PTPN14: variants seen among roughly 807,000 people sequenced by gnomAD.
PTPN14 encodes tyrosine-protein phosphatase non-receptor type 14.
PTPN14 carries 53 observed loss-of-function variants against 126.8 expected under a neutral mutation model. The ratio of observed to expected loss-of-function variants is 0.42; its 90% CI spans 0.34 to 0.53. The LOEUF (loss-of-function observed/expected upper bound fraction) is 0.53, where lower values mean the gene tolerates loss of function less well. Among genes scored for constraint, PTPN14 ranks in the 20% least tolerant of loss-of-function variants. The pLI, the probability that PTPN14 is intolerant of heterozygous loss-of-function variation, is 0.08. For missense variants in PTPN14, 1,257 were observed against 1,552.9 expected, an observed-to-expected ratio of 0.81 and a Z score of 3.20; for synonymous variants, 630 against 599.3, an observed-to-expected ratio of 1.05 and a Z score of -0.75.
At chr1:214,423,846 T>C (rs1659598481) in intron 3 of PTPN14, among the ~76,000 whole-genome samples, 1 of 151,946 alleles carries the variant, frequency 6.6e-6, no homozygotes, top group Admixed American at 6.6e-5. Flanking sequence ...CCAGGCATGG[T>C]GGCTCACGCC....
chr1:214,518,730 C>T (rs780614978), intron 1 of PTPN14, among the ~76,000 whole-genome samples: 29 of 152,096 alleles, frequency 1.9e-4, no homozygotes, highest in Admixed American at 1.4e-3. Flanking sequence ...CTTCTAAATA[C>T]AACAGCTATT....
chr1:214,464,998 G>A (rs1252750823), intron 1 of PTPN14, 41 bp from the exon 2 acceptor site: 13 of 606,190 alleles, frequency 2.1e-5, no homozygotes, highest in Non-Finnish European at 3.4e-5. Flanking sequence ...GCTCCAGAAG[G>A]GACCTATCAA....
chr1:214,386,721 C>T, intron 12 of PTPN14, 123 bp downstream of exon 12: 1 of 1,053,932 alleles, frequency 9.5e-7, no homozygotes, highest in Non-Finnish European at 1.4e-6. Flanking sequence ...TAGCTACTGT[C>T]ATTCAGACGA....
At chr1:214,486,829 A>G (rs762332293) in intron 1 of PTPN14, among the ~76,000 whole-genome samples, 10 of 152,210 alleles carry the variant, frequency 6.6e-5, no homozygotes, top group Non-Finnish European at 1.3e-4. Flanking sequence ...TGAAAAAAAT[A>G]AATCAAAACA....
chr1:214,536,759 G>A (rs947558977), intron 1 of PTPN14, among the ~76,000 whole-genome samples: 4 of 151,940 alleles, frequency 2.6e-5, no homozygotes, highest in Non-Finnish European at 5.9e-5. Flanking sequence ...TTATGAAGGA[G>A]TATATAAAAT....
At chr1:214,490,003 A>T (rs1661195898) in intron 1 of PTPN14, among the ~76,000 whole-genome samples, 1 of 152,196 alleles carries the variant, frequency 6.6e-6, no homozygotes, top group South Asian at 2.1e-4. Flanking sequence ...TATGTTAATA[A>T]ATGTTAGTTA....
chr1:214,482,639 C>T (rs1306416640), intron 1 of PTPN14, among the ~76,000 whole-genome samples: 1 of 151,642 alleles, frequency 6.6e-6, no homozygotes, highest in Non-Finnish European at 1.5e-5. Flanking sequence ...GCAAGAAAAG[C>T]AACGTTGAAC....
intron 3 of PTPN14, among the ~76,000 whole-genome samples, chr1:214,442,725 C>A (rs901382541): frequency 6.6e-6 from 1 of 152,064 alleles, no homozygotes; most frequent in Admixed American, 6.5e-5. Context: ...GCTAAGTTAA[C>A]TTCGGCTAAG....
At chr1:214,412,229 A>G (rs1402445901) in intron 4 of PTPN14, among the ~76,000 whole-genome samples, 2 of 151,570 alleles carry the variant, frequency 1.3e-5, no homozygotes, top group African/African-American at 4.8e-5. Context: ...ATAACTTCAC[A>G]TGTTACAAGA....
At chr1:214,421,657 A>AC (rs1464184281) in intron 3 of PTPN14, among the ~76,000 whole-genome samples, 5 of 152,118 alleles carry the variant, frequency 3.3e-5, no homozygotes, top group African/African-American at 9.7e-5. Flanking sequence ...TTGACACAAT[A>AC]CACCAGGCTC....
intron 3 of PTPN14, among the ~76,000 whole-genome samples, chr1:214,439,984 A>C (rs1182294751): frequency 6.6e-6 from 1 of 152,066 alleles, no homozygotes; most frequent in Non-Finnish European, 1.5e-5. Flanking sequence ...TCTTTGACAA[A>C]ACTCATCCCT....
intron 3 of PTPN14, among the ~76,000 whole-genome samples, chr1:214,448,376 G>T (rs1660193633): frequency 6.7e-6 from 1 of 150,212 alleles, no homozygotes; most frequent in African/African-American, 2.5e-5. Context: ...GACTACAGGT[G>T]CCCCCAACCA....
chr1:214,395,437 G>GA (rs1159275934), intron 8 of PTPN14, among the ~76,000 whole-genome samples: 8 of 151,962 alleles, frequency 5.3e-5, no homozygotes, highest in African/African-American at 1.7e-4. Context: ...ATGCCACTAA[G>GA]AAAAAACGCC....
chr1:214,390,922 C>T (rs1658735103), intron 11 of PTPN14, 66 bp downstream of exon 11: 3 of 1,315,130 alleles, frequency 2.3e-6, no homozygotes, highest in Non-Finnish European at 3.1e-6. Flanking sequence ...CATCCCCCCA[C>T]CTCAAATTAA....
chr1:214,408,753 T>G (rs76017780), intron 5 of PTPN14, among the ~76,000 whole-genome samples: 2,594 of 152,206 alleles, frequency 0.017, 81 homozygotes, highest in African/African-American at 0.059. Context: ...AAGAGCTCTC[T>G]GGGAAGTAAT....
intron 1 of PTPN14, among the ~76,000 whole-genome samples, chr1:214,504,080 A>T (rs1654772135): frequency 6.6e-6 from 1 of 152,144 alleles, no homozygotes; most frequent in South Asian, 2.1e-4. Context: ...CCACTTTCCC[A>T]TTCCTCCCCA....
intron 3 of PTPN14, among the ~76,000 whole-genome samples, chr1:214,450,773 C>T (rs1406235694): frequency 6.6e-6 from 1 of 152,120 alleles, no homozygotes; most frequent in Non-Finnish European, 1.5e-5. Context: ...AAACTCTTAC[C>T]AATAAATGAA....
chr1:214,458,038 TAGAGAGAGAG>T (rs1335195820), intron 2 of PTPN14, among the ~76,000 whole-genome samples: 2 of 146,114 alleles, frequency 1.4e-5, no homozygotes, highest in Admixed American at 6.8e-5. Flanking sequence ...TATCTATACC[TAGAGAGAGAG>T]AGAGAGATAG....
intron 15 of PTPN14, among the ~76,000 whole-genome samples, chr1:214,374,625 A>G (rs1571957497): frequency 2.0e-5 from 3 of 152,214 alleles, no homozygotes; most frequent in Non-Finnish European, 4.4e-5. Context: ...CCCAGGGGGG[A>G]AAACACTGGC....
Sources: gnomAD v4.1 joint callset for allele counts (sites outside exome capture counted in the v4.1 genomes callset) on GRCh38, gnomAD v4.1.1 for gene constraint, MANE v1.5 for transcripts, NCBI Gene and HGNC (gene_info 2026-07-23, HGNC 2026-07-21) for gene names.